The following FAF1 variants were observed in gnomAD, a reference collection of about 807,000 sequenced individuals.
FAF1 encodes Fas associated factor 1.
FAF1 carries 25 observed loss-of-function variants against 92.5 expected under a neutral mutation model. The observed-to-expected ratio is 0.27, with a 90% CI of 0.20 to 0.38. The LOEUF (loss-of-function observed/expected upper bound fraction) is 0.38. FAF1 is among the 10% of genes least tolerant of loss of function. The pLI is 1.00. For missense variants in FAF1, 636 were observed against 793.3 expected, an observed-to-expected ratio of 0.80 and a Z score of 2.38; for synonymous variants, 234 against 273.2, an observed-to-expected ratio of 0.86 and a Z score of 1.42.
chr1:50,793,403 A>G (rs570759844), intron 3 of FAF1, among the ~76,000 whole-genome samples: 4 of 152,370 alleles, frequency 2.6e-5, no homozygotes, highest in African/African-American at 7.2e-5. Flanking sequence ...GGAATTTACA[A>G]AAGTGAAAAA....
At chr1:50,446,854 C>T (rs761908061) in intron 18 of FAF1, among the ~76,000 whole-genome samples, 3 of 151,864 alleles carry the variant, frequency 2.0e-5, no homozygotes, top group Admixed American at 6.6e-5. Context: ...AAATGCATTG[C>T]GGTAGTACTT....
chr1:50,753,999 G>T (rs1354662436), intron 4 of FAF1, among the ~76,000 whole-genome samples: 1 of 151,814 alleles, frequency 6.6e-6, no homozygotes, highest in Non-Finnish European at 1.5e-5. Context: ...CTCGTGATAC[G>T]CCCACCTTGG....
intron 4 of FAF1, among the ~76,000 whole-genome samples, chr1:50,772,682 G>C (rs1660816561): frequency 6.6e-6 from 1 of 152,110 alleles, no homozygotes; most frequent in South Asian, 2.1e-4. Flanking sequence ...AAGAACAACA[G>C]ACACTGGGGA....
intron 2 of FAF1, among the ~76,000 whole-genome samples, chr1:50,833,546 T>A (rs1323955681): frequency 6.6e-6 from 1 of 152,218 alleles, no homozygotes; most frequent in East Asian, 1.9e-4. Flanking sequence ...ATAGGCACAA[T>A]TGATTATCAT....
chr1:50,549,681 A>C (rs937622914), intron 13 of FAF1, among the ~76,000 whole-genome samples: 1 of 152,136 alleles, frequency 6.6e-6, no homozygotes, highest in African/African-American at 2.4e-5. Context: ...AGGCTGAGAC[A>C]GGAGAATTGC....
At chr1:50,794,594 A>C (rs1187010358) in intron 3 of FAF1, among the ~76,000 whole-genome samples, 3 of 152,222 alleles carry the variant, frequency 2.0e-5, no homozygotes, top group Non-Finnish European at 4.4e-5. Context: ...CAGATCCTTT[A>C]GAATGCACAC....
At chr1:50,540,141 T>G (rs985833927) in intron 13 of FAF1, among the ~76,000 whole-genome samples, 11 of 151,960 alleles carry the variant, frequency 7.2e-5, no homozygotes, top group Admixed American at 6.6e-4. Context: ...TGGCTAATTT[T>G]TTTTGTATTT....
rs376946668 is a variant in FAF1 at position 50,442,875 on chromosome 1, G to A, written c.1870-1352C>T. On this transcript the variant is annotated intron_variant, in intron 18 of 18. Transcript: ENST00000396153. The stretch of plus-strand genomic sequence containing the variant: ...CACATCCGCCCCTGGAATCCTCTCC[G>A]CTTATAAGGAACTCAGAGCAAAGCA... Among the ~76,000 whole-genome samples, 3 of 152,178 alleles carry A rather than the reference G, an allele frequency of 2.0e-5. No homozygotes were observed. The South Asian group carries it at 6.2e-4, about 32-fold the overall frequency.
intron 15 of FAF1, among the ~76,000 whole-genome samples, chr1:50,496,736 A>C (rs1419121062): frequency 6.6e-6 from 1 of 152,126 alleles, no homozygotes; most frequent in African/African-American, 2.4e-5. Flanking sequence ...TAAATACAAA[A>C]AAATCAGCCG....
chr1:50,957,347 CTTTTTTT>C (rs1188286312), intron 1 of FAF1, among the ~76,000 whole-genome samples: 14 of 104,244 alleles, frequency 1.3e-4, no homozygotes, highest in Admixed American at 1.1e-3. Context: ...TTTTCATTTT[CTTTTTTT>C]TTTTTTTTTT....
At chr1:50,768,872 C>T (rs1034982295) in intron 4 of FAF1, among the ~76,000 whole-genome samples, 4 of 151,822 alleles carry the variant, frequency 2.6e-5, no homozygotes, top group African/African-American at 9.7e-5. Flanking sequence ...ACACATCACA[C>T]CTAGAGGAAC....
At chr1:50,697,137 C>T (rs1451949747) in intron 7 of FAF1, among the ~76,000 whole-genome samples, 4 of 152,086 alleles carry the variant, frequency 2.6e-5, no homozygotes, top group Non-Finnish European at 4.4e-5. Flanking sequence ...ATAAAAATGT[C>T]CACTTTTCAA....
At chr1:50,791,804 C>A in intron 3 of FAF1, among the ~76,000 whole-genome samples, 1 of 152,162 alleles carries the variant, frequency 6.6e-6, no homozygotes, top group East Asian at 1.9e-4. Context: ...CCTATGTAAC[C>A]AATCCTACCT....
intron 18 of FAF1, among the ~76,000 whole-genome samples, chr1:50,472,912 C>T (rs1351415186): frequency 6.6e-6 from 1 of 152,060 alleles, no homozygotes; most frequent in Admixed American, 6.5e-5. Context: ...GAATGAAGGG[C>T]CTTTAACTCT....
intron 8 of FAF1, among the ~76,000 whole-genome samples, chr1:50,622,089 C>T (rs774274363): frequency 3.3e-5 from 5 of 149,452 alleles, no homozygotes; most frequent in South Asian, 2.1e-4. Context: ...CACTTGAATT[C>T]GGGAGGTGGA....
intron 7 of FAF1, among the ~76,000 whole-genome samples, chr1:50,700,266 A>C (rs986063570): frequency 6.6e-6 from 1 of 151,920 alleles, no homozygotes; most frequent in African/African-American, 2.4e-5. Context: ...GTCCACTAGA[A>C]TTAATTTACT....
intron 18 of FAF1, among the ~76,000 whole-genome samples, chr1:50,463,504 G>T (rs751994568): frequency 2.4e-4 from 37 of 152,190 alleles, no homozygotes; most frequent in Non-Finnish European, 4.3e-4. Flanking sequence ...AAAGAGCATA[G>T]ACTTTGGAGG....
chr1:50,955,903 T>C (rs1173465313), intron 1 of FAF1, among the ~76,000 whole-genome samples: 1 of 152,230 alleles, frequency 6.6e-6, no homozygotes, highest in Non-Finnish European at 1.5e-5. Context: ...GCAAATACTC[T>C]ATGTTCCACT....
chr1:50,686,058 T>C (rs998083923), intron 7 of FAF1, among the ~76,000 whole-genome samples: 4 of 152,212 alleles, frequency 2.6e-5, no homozygotes, highest in Non-Finnish European at 5.9e-5. Context: ...GAAAAAATAC[T>C]GATGGAAGCA....
Sources: gnomAD v4.1 joint callset for allele counts (sites outside exome capture counted in the v4.1 genomes callset) on GRCh38, gnomAD v4.1.1 for gene constraint, MANE v1.5 for transcripts, NCBI Gene and HGNC (gene_info 2026-07-23, HGNC 2026-07-21) for gene names.